Variants in NTRK2 observed in about 807,000 individuals in gnomAD.
NTRK2 encodes neurotrophic receptor tyrosine kinase 2, also known as BDNF/NT-3 growth factors receptor.
NTRK2 carries 13 observed loss-of-function variants against 94.5 expected under a neutral mutation model. That is an observed-to-expected ratio of 0.14 (90% CI 0.09 to 0.22). The LOEUF (loss-of-function observed/expected upper bound fraction) is 0.22, where lower values mean the gene tolerates loss of function less well. NTRK2 is among the 10% of genes least tolerant of loss of function. NTRK2 has a pLI of 1.00. For synonymous variants in NTRK2, 372 were observed against 407.4 expected, an observed-to-expected ratio of 0.91 and a Z score of 1.05; for missense variants, 639 against 1,071.2, an observed-to-expected ratio of 0.60 and a Z score of 5.63.
intron 12 of NTRK2, among the ~76,000 whole-genome samples, chr9:84,834,511 C>T (rs529051862): frequency 2.0e-5 from 3 of 152,050 alleles, no homozygotes; most frequent in African/African-American, 7.2e-5. Context: ...ACATTTTTTC[C>T]CTTGATGATC....
chr9:84,897,966 T>C (rs576386304), intron 14 of NTRK2, among the ~76,000 whole-genome samples: 6 of 152,118 alleles, frequency 3.9e-5, no homozygotes, highest in Admixed American at 3.9e-4. Context: ...CCAGGCCCAC[T>C]GATTTGCACA....
chr9:84,762,492 A>G (rs967298010), intron 12 of NTRK2, among the ~76,000 whole-genome samples: 22 of 152,214 alleles, frequency 1.4e-4, no homozygotes, highest in African/African-American at 3.9e-4. Flanking sequence ...CCTTTCCTCT[A>G]TGAGTGAGGA....
intron 12 of NTRK2, among the ~76,000 whole-genome samples, chr9:84,842,414 T>C (rs545683227): frequency 6.6e-6 from 1 of 152,284 alleles, no homozygotes; most frequent in East Asian, 1.9e-4. Flanking sequence ...TCTGGATAGC[T>C]CAACAGCCAG....
intron 12 of NTRK2, chr9:84,813,949 A>C: frequency 9.4e-7 from 1 of 1,065,676 alleles, no homozygotes; most frequent in Non-Finnish European, 1.1e-6. Context: ...GAATGCATCC[A>C]CCGTCATCAC....
intron 17 of NTRK2, among the ~76,000 whole-genome samples, chr9:84,982,280 G>C (rs759171626): frequency 3.9e-5 from 6 of 152,194 alleles, no homozygotes; most frequent in Non-Finnish European, 8.8e-5. Flanking sequence ...TAATGACTGA[G>C]AATGAGCCGA....
intron 14 of NTRK2, among the ~76,000 whole-genome samples, chr9:84,901,769 G>A (rs2076936949): frequency 6.6e-6 from 1 of 151,968 alleles, no homozygotes. Flanking sequence ...TCCCTCCCCT[G>A]GCTTCTTCTC....
At chr9:84,964,043 A>G (rs1413942907) in intron 17 of NTRK2, among the ~76,000 whole-genome samples, 1 of 152,190 alleles carries the variant, frequency 6.6e-6, no homozygotes, top group Non-Finnish European at 1.5e-5. Context: ...TAACATCTGT[A>G]TCTATCCTTA....
intron 12 of NTRK2, chr9:84,813,264 A>G (rs202092758): frequency 1.9e-6 from 2 of 1,038,776 alleles, no homozygotes; most frequent in Non-Finnish European, 1.2e-6. Flanking sequence ...GCCGCAGCCA[A>G]CTGTGTCCCA....
At chr9:84,787,272 T>C (rs925992531) in intron 12 of NTRK2, among the ~76,000 whole-genome samples, 6 of 152,078 alleles carry the variant, frequency 3.9e-5, no homozygotes, top group Non-Finnish European at 8.8e-5. Flanking sequence ...CACTCCAGCC[T>C]GGGCGACAAG....
chr9:84,699,655 A>ATG (rs1212628664), intron 2 of NTRK2, among the ~76,000 whole-genome samples: 12 of 146,946 alleles, frequency 8.2e-5, no homozygotes, highest in East Asian at 2.0e-4. Flanking sequence ...AATTAAGCTT[A>ATG]TGTGTGTGTT....
At chr9:84,873,484 T>A (rs2075948076) in intron 14 of NTRK2, 1 of 1,059,260 alleles carries the variant, frequency 9.4e-7, no homozygotes, top group Non-Finnish European at 1.1e-6. Context: ...TACAATTCCT[T>A]CCCCCTCTCA....
intron 12 of NTRK2, among the ~76,000 whole-genome samples, chr9:84,787,514 G>C (rs775408708): frequency 2.6e-5 from 4 of 152,068 alleles, no homozygotes; most frequent in Admixed American, 1.3e-4. Flanking sequence ...CAGGGTACCA[G>C]GTCATGGCGA....
At position 84,709,973 on chromosome 9, in the gene NTRK2, G is replaced by A. The variant is rs527305196; in HGVS notation, c.429-664G>A. Among the ~76,000 whole-genome samples, 4 of 150,748 alleles carry A rather than the reference G, an allele frequency of 2.7e-5. No individual in the cohort carries two copies. The East Asian group carries it at 7.8e-4, about 29-fold the overall frequency. On this transcript the variant is annotated intron_variant, in intron 5 of 18. Coordinates refer to ENST00000277120, the MANE Select transcript of NTRK2 (RefSeq NM_006180.6). ...AGAATAGCTTGCTCTGTGTGTGTGTGTGTGTGTGTGTGTGTGTGTGTGTGT... is the reference window on the plus strand; with the variant it reads ...AGAATAGCTTGCTCTGTGTGTGTGTATGTGTGTGTGTGTGTGTGTGTGTGT...
intron 12 of NTRK2, chr9:84,811,161 G>A: frequency 1.9e-6 from 2 of 1,062,114 alleles, no homozygotes; most frequent in Non-Finnish European, 2.3e-6. Flanking sequence ...ATCACTTTGG[G>A]ACTTGGTAGT....
chr9:84,799,299 TCAGA>T (rs1322363386), intron 12 of NTRK2, among the ~76,000 whole-genome samples: 1 of 151,984 alleles, frequency 6.6e-6, no homozygotes, highest in Non-Finnish European at 1.5e-5. Flanking sequence ...TTCTCCTAAG[TCAGA>T]TAAAAAAAAA....
intron 4 of NTRK2, among the ~76,000 whole-genome samples, chr9:84,703,161 G>A (rs2060835698): frequency 6.6e-6 from 1 of 152,184 alleles, no homozygotes; most frequent in Non-Finnish European, 1.5e-5. Flanking sequence ...GCTCAGACTT[G>A]TACTCCCATC....
At chr9:84,916,551 C>T (rs904141999) in intron 14 of NTRK2, among the ~76,000 whole-genome samples, 13 of 152,258 alleles carry the variant, frequency 8.5e-5, no homozygotes, top group East Asian at 3.9e-4. Flanking sequence ...CCAGCTCAGG[C>T]GGGAAGCTCA....
At chr9:84,831,741 AGAGACTTCAGGGCCTAGGCC>A (rs2073561828) in intron 12 of NTRK2, among the ~76,000 whole-genome samples, 1 of 152,254 alleles carries the variant, frequency 6.6e-6, no homozygotes, top group African/African-American at 2.4e-5. Context: ...AGAGAAAAGA[AGAGACTTCAGGGCCTAGGCC>A]ACATGATGGA....
intron 17 of NTRK2, among the ~76,000 whole-genome samples, chr9:84,983,359 G>T (rs1483405970): frequency 6.6e-6 from 1 of 152,200 alleles, no homozygotes; most frequent in Non-Finnish European, 1.5e-5. Flanking sequence ...CTTGTTCTTG[G>T]AAATCATCTT....
Sources: allele counts gnomAD v4.1 joint callset (sites outside exome capture counted in the v4.1 genomes callset), GRCh38; gene constraint gnomAD v4.1.1; transcripts MANE v1.5; gene names NCBI Gene and HGNC (gene_info 2026-07-23, HGNC 2026-07-21).